The following GABBR2 variants were observed in gnomAD, a reference collection of about 807,000 sequenced individuals.
The protein encoded by GABBR2 is G-protein coupled receptor 51.
Under a neutral mutation model 105.6 loss-of-function variants are expected in GABBR2, and 23 were observed. The ratio of observed to expected loss-of-function variants is 0.22; its 90% confidence interval spans 0.16 to 0.31. GABBR2 has a LOEUF of 0.31. Ranked by LOEUF, GABBR2 falls within the 10% of genes least tolerant of loss-of-function variation. GABBR2 has a pLI of 1.00. For missense variants in GABBR2, 734 were observed against 1,245.5 expected (o/e 0.59, Z 6.18); for synonymous variants, 478 against 499.7 (o/e 0.96, Z 0.58).
At chr9:98,523,504 C>T (rs555163401) in intron 3 of GABBR2, among the ~76,000 whole-genome samples, 18 of 152,286 alleles carry the variant, frequency 1.2e-4, no homozygotes, top group Middle Eastern at 3.4e-3. Context: ...AGCTCTATTA[C>T]GTAGCAAAAT....
chr9:98,597,468 T>G (rs772843773), intron 1 of GABBR2, among the ~76,000 whole-genome samples: 1 of 152,214 alleles, frequency 6.6e-6, no homozygotes, highest in Non-Finnish European at 1.5e-5. Flanking sequence ...TGAAGCTGCA[T>G]GTCCACAGCA....
At chr9:98,495,096 C>T (rs917707147) in intron 4 of GABBR2, among the ~76,000 whole-genome samples, 1 of 152,224 alleles carries the variant, frequency 6.6e-6, no homozygotes, top group African/African-American at 2.4e-5. Flanking sequence ...GGGGGGAGAC[C>T]TGGCTCCAGC....
intron 2 of GABBR2, among the ~76,000 whole-genome samples, chr9:98,563,536 T>C (rs554433545): frequency 6.6e-6 from 1 of 152,338 alleles, no homozygotes; most frequent in African/African-American, 2.4e-5. Flanking sequence ...AAGGTCCCTG[T>C]GCCCAATCCT....
chr9:98,550,348 C>T lies in GABBR2; in HGVS notation c.460-8305G>A, dbSNP rs554001476. ...GCTCTAAATAGTGGTGATGGTTGAA[C>T]AACGTTGTGAATGTACTCAATGACA... On this transcript the variant is annotated intron_variant, in intron 2 of 18. Coordinates refer to ENST00000259455, the MANE Select transcript of GABBR2 (RefSeq NM_005458.8). 1.6e-4 allele frequency among the ~76,000 whole-genome samples: 24 copies of T among 152,298 alleles called. No homozygotes were observed. In the South Asian group the frequency reaches 4.6e-3, roughly 29 times the overall value.
At position 98,576,055 on chromosome 9, in the gene GABBR2, G is replaced by A. The variant is rs559562801; in HGVS notation, c.459+1880C>T. Among the ~76,000 whole-genome samples, 36 of 152,284 alleles carry A rather than the reference G, an allele frequency of 2.4e-4. 1 individual carries two copies. In the South Asian group the frequency reaches 4.3e-3, roughly 18 times the overall value. Reference sequence around the variant, plus strand: ...GGGCTAAGTGAGGGGCCCTCGCCCGGGCCCCACCTCTCTTTCATCACACCT... The same window carrying A: ...GGGCTAAGTGAGGGGCCCTCGCCCGAGCCCCACCTCTCTTTCATCACACCT... On this transcript the variant is annotated intron_variant, in intron 2 of 18. Coordinates refer to ENST00000259455, the MANE Select transcript of GABBR2 (RefSeq NM_005458.8).
At chr9:98,360,745 A>G (rs76610812) in intron 13 of GABBR2, among the ~76,000 whole-genome samples, 3,011 of 152,314 alleles carry the variant, frequency 0.02, 99 homozygotes, top group African/African-American at 0.069. Flanking sequence ...GCACAGGTTT[A>G]CCTTGTTTAA....
intron 3 of GABBR2, among the ~76,000 whole-genome samples, chr9:98,527,610 C>T (rs921425579): frequency 2.6e-5 from 4 of 151,822 alleles, no homozygotes; most frequent in African/African-American, 9.7e-5. Flanking sequence ...TTCCCCAAAG[C>T]AATAATAAAT....
intron 1 of GABBR2, among the ~76,000 whole-genome samples, chr9:98,613,266 C>A (rs1588252804): frequency 1.3e-5 from 2 of 152,056 alleles, no homozygotes; most frequent in African/African-American, 4.8e-5. Flanking sequence ...TAATGAGACC[C>A]AATCTCTATA....
intron 1 of GABBR2, among the ~76,000 whole-genome samples, chr9:98,591,715 T>C (rs1010397791): frequency 2.6e-5 from 4 of 151,954 alleles, no homozygotes; most frequent in African/African-American, 9.7e-5. Context: ...TTCAAATGAG[T>C]CCATCTCAGT....
intron 6 of GABBR2, among the ~76,000 whole-genome samples, chr9:98,463,864 G>A (rs1826478495): frequency 6.6e-6 from 1 of 152,192 alleles, no homozygotes; most frequent in Non-Finnish European, 1.5e-5. Flanking sequence ...TCCAGCTCCT[G>A]GCCTCGGGTG....
chr9:98,433,779 C>A (rs1423238886), intron 7 of GABBR2, among the ~76,000 whole-genome samples: 1 of 152,094 alleles, frequency 6.6e-6, no homozygotes, highest in Non-Finnish European at 1.5e-5. Context: ...GTATTGATAC[C>A]TGGGCATGTT....
chr9:98,443,324 T>G (rs1826065243), intron 7 of GABBR2, among the ~76,000 whole-genome samples: 1 of 152,212 alleles, frequency 6.6e-6, no homozygotes, highest in Non-Finnish European at 1.5e-5. Flanking sequence ...AAATAGCTAT[T>G]TTTTCCCTGA....
intron 1 of GABBR2, among the ~76,000 whole-genome samples, chr9:98,592,145 C>T (rs1829155935): frequency 6.6e-6 from 1 of 152,190 alleles, no homozygotes; most frequent in Non-Finnish European, 1.5e-5. Flanking sequence ...AAATTGACCT[C>T]ATTGACTGGA....
chr9:98,640,560 T>C (rs1185406646), intron 1 of GABBR2, among the ~76,000 whole-genome samples: 1 of 152,148 alleles, frequency 6.6e-6, no homozygotes, highest in African/African-American at 2.4e-5. Context: ...CCAGGTACCA[T>C]ACATGGATGT....
intron 16 of GABBR2, chr9:98,302,934 G>A (rs927960635): frequency 8.5e-5 from 31 of 366,012 alleles, no homozygotes; most frequent in South Asian, 1.5e-4. Flanking sequence ...AGACACTGAC[G>A]TAGGAAGCTA....
intron 1 of GABBR2, among the ~76,000 whole-genome samples, chr9:98,623,734 C>T (rs575605018): frequency 6.4e-4 from 97 of 152,294 alleles, no homozygotes; most frequent in African/African-American, 2.3e-3. Flanking sequence ...GACCCATCTG[C>T]CTCCCTTCTA....
In GABBR2 at chr9:98,305,587, G is replaced by A. The variant is rs999859281; in HGVS notation, c.2229+534C>T. Among the ~76,000 whole-genome samples the A allele has an allele frequency of 8.5e-5, 13 of 152,328 alleles. No homozygotes were observed. The East Asian group carries it at 1.7e-3, about 20-fold the overall frequency. On this transcript the variant is annotated intron_variant, in intron 15 of 18. Coordinates refer to ENST00000259455, the MANE Select transcript of GABBR2 (RefSeq NM_005458.8). ...CTCAGCACTTTGGGAGGCCAAGGCC[G>A]GAGGATCGCTTGAGCCCAGGAGTCC...
intron 1 of GABBR2, among the ~76,000 whole-genome samples, chr9:98,609,426 T>A (rs1330213656): frequency 6.6e-6 from 1 of 152,208 alleles, no homozygotes; most frequent in East Asian, 1.9e-4. Context: ...CCCTTCCATC[T>A]ATGAAATCCA....
intron 1 of GABBR2, among the ~76,000 whole-genome samples, chr9:98,663,905 C>G (rs992377975): frequency 1.3e-5 from 2 of 152,154 alleles, no homozygotes; most frequent in Non-Finnish European, 2.9e-5. Context: ...TTGTTAAATA[C>G]ACAGTCTGAG....
Sources: allele counts gnomAD v4.1 joint callset (sites outside exome capture counted in the v4.1 genomes callset), GRCh38; gene constraint gnomAD v4.1.1; transcripts MANE v1.5; gene names NCBI Gene and HGNC (gene_info 2026-07-23, HGNC 2026-07-21).